SOX6: variants seen among roughly 807,000 people sequenced by gnomAD.
The protein encoded by SOX6 is SRY-box transcription factor 6.
Under a neutral mutation model 97.8 loss-of-function variants are expected in SOX6, and 11 were observed. The observed-to-expected ratio is 0.11, with a 90% CI of 0.07 to 0.19. The LOEUF is 0.19. SOX6 is among the 10% of genes least tolerant of loss of function. SOX6 has a pLI of 1.00. For missense variants in SOX6, 810 were observed against 1,039.5 expected (o/e 0.78, Z 3.04); for synonymous variants, 360 against 371.4 (o/e 0.97, Z 0.35).
intron 6 of SOX6, among the ~76,000 whole-genome samples, chr11:16,137,426 C>T (rs1340039228): frequency 1.3e-5 from 2 of 151,862 alleles, no homozygotes; most frequent in Non-Finnish European, 2.9e-5. Flanking sequence ...ACTCTCTCTC[C>T]AATAAATAAA....
chr11:16,159,748 T>C (rs750811522), intron 6 of SOX6, among the ~76,000 whole-genome samples: 12 of 152,174 alleles, frequency 7.9e-5, no homozygotes, highest in Admixed American at 4.6e-4. Flanking sequence ...TCTATTGACA[T>C]TTATTGGCTT....
intron 3 of SOX6, among the ~76,000 whole-genome samples, chr11:16,277,674 C>T (rs73421052): frequency 2.6e-4 from 40 of 152,322 alleles, no homozygotes; most frequent in African/African-American, 9.6e-4. Flanking sequence ...GCTCCAAAGA[C>T]TCCACACTTT....
At chr11:16,215,145 A>C (rs949037409) in intron 4 of SOX6, among the ~76,000 whole-genome samples, 1 of 152,176 alleles carries the variant, frequency 6.6e-6, no homozygotes, top group Non-Finnish European at 1.5e-5. Context: ...AACACTTGTC[A>C]TTTCATGAGT....
intron 1 of SOX6, among the ~76,000 whole-genome samples, chr11:16,370,511 C>A (rs929797075): frequency 2.5e-4 from 38 of 151,756 alleles, no homozygotes; most frequent in Admixed American, 1.9e-3. Flanking sequence ...AAAATAGAAC[C>A]AAAAAAATGG....
intron 15 of SOX6, among the ~76,000 whole-genome samples, chr11:15,979,629 T>G (rs540415503): frequency 6.6e-6 from 1 of 152,232 alleles, no homozygotes; most frequent in South Asian, 2.1e-4. Flanking sequence ...CTACTCACTT[T>G]GCTCCTGTCA....
chr11:16,503,951 G>A (rs181859341), intron 4 of SOX6, among the ~76,000 whole-genome samples: 69 of 152,108 alleles, frequency 4.5e-4, no homozygotes, highest in Non-Finnish European at 9.1e-4. Flanking sequence ...GTTGAGGCAG[G>A]AGAATTGCAT....
intron 3 of SOX6, among the ~76,000 whole-genome samples, chr11:16,258,862 T>C (rs565150777): frequency 1.3e-5 from 2 of 151,676 alleles, no homozygotes; most frequent in East Asian, 3.9e-4. Flanking sequence ...TACATATATA[T>C]ACACACATTA....
intron 3 of SOX6, among the ~76,000 whole-genome samples, chr11:16,283,598 A>G (rs1854646014): frequency 6.6e-6 from 1 of 151,786 alleles, no homozygotes; most frequent in African/African-American, 2.4e-5. Context: ...ACACTAAAAG[A>G]TTACTTCTGT....
At chr11:15,975,027 T>A (rs1190191172) in intron 15 of SOX6, among the ~76,000 whole-genome samples, 1 of 152,214 alleles carries the variant, frequency 6.6e-6, no homozygotes, top group Non-Finnish European at 1.5e-5. Context: ...AATCTACAGA[T>A]ACACTAAGCT....
At chr11:16,184,005 C>A (rs1851407366) in intron 5 of SOX6, 51 bp from the exon 6 acceptor site, 1 of 1,470,496 alleles carries the variant, frequency 6.8e-7, no homozygotes. Context: ...TACACCTCTG[C>A]CATTACCTCA....
chr11:16,650,655 A>G (rs1847634635), intron 3 of SOX6, among the ~76,000 whole-genome samples: 1 of 152,162 alleles, frequency 6.6e-6, no homozygotes, highest in Non-Finnish European at 1.5e-5. Flanking sequence ...ATAGTATTAA[A>G]TGCCTACATC....
At chr11:15,988,389 T>G (rs1166024747) in intron 14 of SOX6, among the ~76,000 whole-genome samples, 7 of 152,240 alleles carry the variant, frequency 4.6e-5, no homozygotes. Flanking sequence ...CCCCTGCAGC[T>G]CGTGTGTTCA....
intron 4 of SOX6, among the ~76,000 whole-genome samples, chr11:16,583,618 T>TATATATATATATATAC (rs1848056739): frequency 6.3e-5 from 8 of 126,002 alleles, no homozygotes; most frequent in Non-Finnish European, 1.2e-4. Context: ...TATATACATA[T>TATATATATATATATAC]ATATATATAT....
intron 2 of SOX6, among the ~76,000 whole-genome samples, chr11:16,325,694 A>T (rs915369143): frequency 6.6e-6 from 1 of 152,164 alleles, no homozygotes; most frequent in East Asian, 1.9e-4. Flanking sequence ...AATTATTAAA[A>T]AATTAATCTT....
intron 10 of SOX6, 125 bp downstream of exon 10, chr11:16,055,627 G>A (rs1847795349): frequency 9.1e-7 from 1 of 1,094,272 alleles, no homozygotes; most frequent in Non-Finnish European, 1.4e-6. Flanking sequence ...CATAAAGAGG[G>A]ACATTTTGGG....
chr11:16,044,994 T>C (rs1855784477), intron 12 of SOX6, among the ~76,000 whole-genome samples: 1 of 150,082 alleles, frequency 6.7e-6, no homozygotes, highest in African/African-American at 2.5e-5. Flanking sequence ...CTATCTATCA[T>C]CTATGTATCT....
intron 9 of SOX6, among the ~76,000 whole-genome samples, chr11:16,069,643 G>T (rs1020620006): frequency 3.3e-5 from 5 of 152,094 alleles, no homozygotes; most frequent in Admixed American, 2.6e-4. Flanking sequence ...GGTGTTTTCA[G>T]ATTTTTAAAA....
chr11:16,098,056 C>T (rs557173043), intron 7 of SOX6, among the ~76,000 whole-genome samples: 1 of 151,904 alleles, frequency 6.6e-6, no homozygotes, highest in East Asian at 1.9e-4. Flanking sequence ...ATTAGAACAA[C>T]AAAAAGTTTT....
intron 3 of SOX6, among the ~76,000 whole-genome samples, chr11:16,688,831 G>C (rs1332781051): frequency 1.3e-5 from 2 of 152,202 alleles, no homozygotes; most frequent in Non-Finnish European, 2.9e-5. Flanking sequence ...ATTTTACCTT[G>C]ATGGGTGTTG....
Sources: gnomAD v4.1 joint callset for allele counts (sites outside exome capture counted in the v4.1 genomes callset) on GRCh38, gnomAD v4.1.1 for gene constraint, MANE v1.5 for transcripts, NCBI Gene and HGNC (gene_info 2026-07-23, HGNC 2026-07-21) for gene names.